The following SGCZ variants were observed in gnomAD, a reference collection of about 807,000 sequenced individuals.
SGCZ encodes sarcoglycan zeta, also known as zeta-sarcoglycan.
In SGCZ, 40 loss-of-function variants were observed where a neutral mutation model predicts 41.3. The ratio of observed to expected loss-of-function variants is 0.97; its 90% CI spans 0.75 to 1.26. SGCZ has a LOEUF of 1.26. SGCZ is among the 50% of genes most tolerant of loss of function. The pLI is 0.00. For synonymous variants in SGCZ, 206 were observed against 137.5 expected, an observed-to-expected ratio of 1.50 and a Z score of -3.49; for missense variants, 552 against 369.8, an observed-to-expected ratio of 1.49 and a Z score of -4.04.
intron 1 of SGCZ, among the ~76,000 whole-genome samples, chr8:15,030,353 A>C (rs546755308): frequency 6.6e-6 from 1 of 152,268 alleles, no homozygotes; most frequent in African/African-American, 2.4e-5. Context: ...AATAAAATTT[A>C]ATTTCATTGT....
chr8:14,416,338 A>C (rs4484699), intron 2 of SGCZ, among the ~76,000 whole-genome samples: 104,259 of 151,756 alleles, frequency 0.69, 35,908 homozygotes, highest in East Asian at 0.83. Flanking sequence ...CAGTATTTCT[A>C]TTTAATGTTG....
intron 2 of SGCZ, among the ~76,000 whole-genome samples, chr8:14,396,435 G>C (rs1563302274): frequency 1.3e-5 from 2 of 152,118 alleles, no homozygotes; most frequent in African/African-American, 4.8e-5. Flanking sequence ...AAAATGGTGA[G>C]AATTTGATCA....
chr8:14,354,463 G>T (rs1000348638), intron 2 of SGCZ, among the ~76,000 whole-genome samples: 1 of 151,888 alleles, frequency 6.6e-6, no homozygotes, highest in South Asian at 2.1e-4. Context: ...ACAAAAATTA[G>T]TACTCTTGTA....
chr8:14,715,717 A>G (rs1049649650), intron 1 of SGCZ, among the ~76,000 whole-genome samples: 2 of 152,188 alleles, frequency 1.3e-5, no homozygotes, highest in African/African-American at 4.8e-5. Context: ...ATTAACGTCA[A>G]CCTGTTTTGT....
chr8:14,753,995 G>T lies in SGCZ; in HGVS notation c.40-199069C>A, dbSNP rs376495865. 2.6e-5 allele frequency among the ~76,000 whole-genome samples: 4 copies of T among 152,132 alleles called. No homozygotes were observed. In the East Asian group the frequency reaches 5.8e-4, roughly 22 times the overall value. On this transcript the variant is annotated intron_variant, in intron 1 of 7. Coordinates refer to ENST00000382080, the MANE Select transcript of SGCZ (RefSeq NM_139167.4). ...ATAAATAAAGTGGACTTTACCTACTGTTTCAATTCAGGGCTATCTCATATA... is the reference window on the plus strand; with the variant it reads ...ATAAATAAAGTGGACTTTACCTACTTTTTCAATTCAGGGCTATCTCATATA...
At chr8:14,864,916 T>C (rs1053137463) in intron 1 of SGCZ, among the ~76,000 whole-genome samples, 1 of 152,124 alleles carries the variant, frequency 6.6e-6, no homozygotes, top group Non-Finnish European at 1.5e-5. Context: ...ATTTCCTTGA[T>C]GGTTGGTGAT....
At chr8:14,744,307 T>G (rs1585225460) in intron 1 of SGCZ, among the ~76,000 whole-genome samples, 1 of 152,138 alleles carries the variant, frequency 6.6e-6, no homozygotes. Flanking sequence ...TATATTATTC[T>G]AAAAAGTACA....
chr8:15,217,963 G>A (rs563813896), intron 1 of SGCZ, among the ~76,000 whole-genome samples: 1 of 152,222 alleles, frequency 6.6e-6, no homozygotes, highest in East Asian at 1.9e-4. Flanking sequence ...GCGTGTGCTT[G>A]TAATCCCAGC....
At chr8:14,394,511 TGAC>T (rs746645000) in intron 2 of SGCZ, among the ~76,000 whole-genome samples, 12 of 152,186 alleles carry the variant, frequency 7.9e-5, no homozygotes, top group South Asian at 2.1e-4. Flanking sequence ...TTTTTAATGA[TGAC>T]ACATGTACAT....
chr8:14,747,938 C>A (rs933904521), intron 1 of SGCZ, among the ~76,000 whole-genome samples: 12 of 147,498 alleles, frequency 8.1e-5, no homozygotes, highest in South Asian at 2.2e-4. Context: ...GTTGGCCAGG[C>A]TAGTCTTGAA....
intron 1 of SGCZ, among the ~76,000 whole-genome samples, chr8:14,578,636 G>C (rs1249513188): frequency 1.3e-5 from 2 of 152,142 alleles, no homozygotes; most frequent in Non-Finnish European, 2.9e-5. Context: ...TAATTCTAGG[G>C]CACATTCTGA....
intron 1 of SGCZ, among the ~76,000 whole-genome samples, chr8:15,212,355 G>A (rs1263495361): frequency 1.3e-5 from 2 of 152,038 alleles, no homozygotes; most frequent in African/African-American, 4.8e-5. Context: ...GATTCACTCT[G>A]CTTGATCATT....
intron 3 of SGCZ, among the ~76,000 whole-genome samples, chr8:14,300,506 C>A (rs1254937234): frequency 6.6e-6 from 1 of 151,950 alleles, no homozygotes; most frequent in Admixed American, 6.6e-5. Context: ...GGCCACATTA[C>A]TAAAGCCATC....
At chr8:15,216,219 T>C (rs532191774) in intron 1 of SGCZ, among the ~76,000 whole-genome samples, 54 of 75,452 alleles carry the variant, frequency 7.2e-4, no homozygotes, top group African/African-American at 2.0e-3. Flanking sequence ...TATTCTTTTT[T>C]TTTCTTTTTT....
At chr8:14,903,095 G>C (rs1217371733) in intron 1 of SGCZ, among the ~76,000 whole-genome samples, 1 of 152,004 alleles carries the variant, frequency 6.6e-6, no homozygotes, top group African/African-American at 2.4e-5. Flanking sequence ...CGAGGCAGAG[G>C]GTTCTGGTTT....
intron 2 of SGCZ, among the ~76,000 whole-genome samples, chr8:14,517,227 G>A (rs1050711979): frequency 6.6e-6 from 1 of 152,052 alleles, no homozygotes; most frequent in Non-Finnish European, 1.5e-5. Flanking sequence ...AACTAAGGAA[G>A]TAAGTCACAA....
At chr8:15,026,710 A>G (rs944181205) in intron 1 of SGCZ, among the ~76,000 whole-genome samples, 5 of 152,148 alleles carry the variant, frequency 3.3e-5, no homozygotes, top group African/African-American at 1.2e-4. Context: ...TGCTTCAGTT[A>G]TTGTCTCCAT....
intron 1 of SGCZ, among the ~76,000 whole-genome samples, chr8:14,619,824 A>AAG (rs1806224946): frequency 2.6e-5 from 4 of 152,226 alleles, no homozygotes; most frequent in Non-Finnish European, 5.9e-5. Context: ...TTCCATGCTC[A>AAG]TGTACAGGAA....
At chr8:15,235,741 T>G (rs187042344) in intron 1 of SGCZ, among the ~76,000 whole-genome samples, 1 of 152,142 alleles carries the variant, frequency 6.6e-6, no homozygotes, top group African/African-American at 2.4e-5. Flanking sequence ...GGGGAAAGAA[T>G]CACCCCAAAT....
Sources: gnomAD v4.1 joint callset for allele counts (sites outside exome capture counted in the v4.1 genomes callset) on GRCh38, gnomAD v4.1.1 for gene constraint, MANE v1.5 for transcripts, NCBI Gene and HGNC (gene_info 2026-07-23, HGNC 2026-07-21) for gene names.